Variants in GFPT2 observed in about 807,000 individuals in gnomAD.
GFPT2 encodes glutamine--fructose-6-phosphate transaminase 2, also known as glutamine--fructose-6-phosphate aminotransferase [isomerizing] 2.
GFPT2 carries 62 observed loss-of-function variants against 85.6 expected under a neutral mutation model. The observed-to-expected ratio is 0.72, with a 90% CI of 0.59 to 0.90. The LOEUF (loss-of-function observed/expected upper bound fraction) is 0.90. Ranked by LOEUF, GFPT2 falls within the 40% of genes least tolerant of loss-of-function variation. GFPT2 has a pLI of 0.00. For synonymous variants in GFPT2, 368 were observed against 344.5 expected (o/e 1.07, Z -0.75); for missense variants, 788 against 893.4 (o/e 0.88, Z 1.50).
chr5:180,352,339 GAAAAAAAAA>G, intron 1 of GFPT2: 2 of 344,710 alleles, frequency 5.8e-6, no homozygotes, highest in Non-Finnish European at 1.1e-5. Flanking sequence ...CCTACTCAAG[GAAAAAAAAA>G]AAAAAAAAAA....
chr5:180,323,871 A>C lies in GFPT2; in HGVS notation c.794+317T>G, dbSNP rs1764164817. On this transcript the variant is annotated intron_variant, in intron 9 of 18. Coordinates refer to ENST00000253778, the MANE Select transcript of GFPT2 (RefSeq NM_005110.4). The surrounding 1 kb of genome is among the most constrained non-coding windows in gnomAD (Gnocchi z 4.0). ...CTGCTAGTTCTTCCAGAGAAGCTAG[A>C]GATTTCAGATTTCTCTGTGAAATCT... Among the ~76,000 whole-genome samples, 1 of 152,238 alleles carries C rather than the reference A, an allele frequency of 6.6e-6. No homozygotes were observed.
intron 1 of GFPT2, among the ~76,000 whole-genome samples, chr5:180,342,004 C>A (rs140046916): frequency 6.6e-6 from 1 of 152,140 alleles, no homozygotes. Flanking sequence ...GTAAATGAAT[C>A]ATGGGGGCGG....
At chr5:180,333,810 C>T (rs551000813) in intron 4 of GFPT2, among the ~76,000 whole-genome samples, 13 of 152,192 alleles carry the variant, frequency 8.5e-5, no homozygotes, top group Non-Finnish European at 1.6e-4. Context: ...GCTGGAGTGT[C>T]CAAGTTTGGG....
chr5:180,332,966 T>A (rs1764332132), intron 4 of GFPT2, among the ~76,000 whole-genome samples: 1 of 152,234 alleles, frequency 6.6e-6, no homozygotes, highest in Non-Finnish European at 1.5e-5. Flanking sequence ...TCACCATGAT[T>A]TCCTCTATTT....
chr5:180,311,236 C>A (rs1370632989), intron 15 of GFPT2, among the ~76,000 whole-genome samples: 1 of 152,222 alleles, frequency 6.6e-6, no homozygotes, highest in Non-Finnish European at 1.5e-5. Flanking sequence ...CCATGCCAGC[C>A]TGGGGCGAGG....
Position 180,323,315 on chromosome 5 carries a change from G to A in GFPT2, c.794+873C>T, listed in dbSNP as rs10479468. On this transcript the variant is annotated intron_variant, in intron 9 of 18. Transcript: ENST00000253778. The surrounding 1 kb of genome is among the most constrained non-coding windows in gnomAD (Gnocchi z 4.0). ...TGATGCTGGCTGTGCGTTTAATCAGGCCTCGCCTCCCTGTCGCTCCCGTTT... is the reference window on the plus strand; with the variant it reads ...TGATGCTGGCTGTGCGTTTAATCAGACCTCGCCTCCCTGTCGCTCCCGTTT... Among the ~76,000 whole-genome samples the A allele has an allele frequency of 0.011, 1,636 of 152,228 alleles. 26 individuals are homozygous for A. Among genetic ancestry groups the A allele is most frequent in the African/African-American group, 0.037 (1,539 of 41,538 alleles).
chr5:180,333,683 G>A (rs779819933), intron 4 of GFPT2, among the ~76,000 whole-genome samples: 5 of 152,304 alleles, frequency 3.3e-5, no homozygotes, highest in Admixed American at 6.5e-5. Flanking sequence ...GTTGCTGGGC[G>A]TTCAGACTTC....
Position 180,301,554 on chromosome 5 carries a change from G to C in GFPT2, c.*10C>G, listed in dbSNP as rs568549305. ...TGAAAGGTGGTGATGGTCTTGTCAC[G>C]GTCTCAGCCTCATTCCACAGTTACA... is the stretch of plus-strand genomic sequence containing the variant. On this transcript the variant is annotated 3_prime_UTR_variant, in exon 19 of 19. Coordinates refer to ENST00000253778, the MANE Select transcript of GFPT2 (RefSeq NM_005110.4). 2.5e-6 allele frequency: 4 copies of C among 1,608,504 alleles called. No homozygotes were observed. The highest frequency in any genetic ancestry group is 3.4e-6 in the Non-Finnish European group (4 of 1,174,866).
intron 1 of GFPT2, 62 bp from the exon 2 acceptor site, chr5:180,338,662 G>T (rs182519984): frequency 9.1e-6 from 9 of 987,714 alleles, no homozygotes; most frequent in Non-Finnish European, 1.3e-5. Context: ...GGAAGAAAAC[G>T]CTTCTGGGGG....
chr5:180,315,500 A>T (rs1480833549), intron 13 of GFPT2, among the ~76,000 whole-genome samples: 2 of 151,740 alleles, frequency 1.3e-5, no homozygotes, highest in Non-Finnish European at 3.0e-5. Context: ...TTCTTTTGTC[A>T]TTTTAATCAT....
chr5:180,319,232 A>G (rs1397919277), intron 9 of GFPT2, among the ~76,000 whole-genome samples: 1 of 146,450 alleles, frequency 6.8e-6, no homozygotes, highest in South Asian at 2.1e-4. Flanking sequence ...TTAACCTACT[A>G]TAATACCATA....
In GFPT2 at chr5:180,316,848, G is replaced by A. The variant is rs370853144; in HGVS notation, c.1068C>T (p.Gly356=). 6.2e-7 allele frequency: 1 copy of A among 1,613,592 alleles called. No homozygotes were observed. The highest frequency in any genetic ancestry group is 8.5e-7 in the Non-Finnish European group (1 of 1,179,612). The change falls in exon 12 of 19, where the codon GGC becomes GGT. Residue 356 remains glycine, a synonymous_variant. Coordinates refer to ENST00000253778, the MANE Select transcript of GFPT2 (RefSeq NM_005110.4). ...NFETNTVLLG[G]LKDHLKEIRR... ...GAATCTCCTTCAAGTGGTCCTTCAA[G>A]CCACCCAGGAGCACTGCAGGGCACA... is the stretch of plus-strand genomic sequence containing the variant.
chr5:180,341,900 T>A (rs1240586935), intron 1 of GFPT2, among the ~76,000 whole-genome samples: 1 of 152,226 alleles, frequency 6.6e-6, no homozygotes, highest in East Asian at 1.9e-4. Flanking sequence ...ACCTTATTTT[T>A]TAAAAAGATA....
chr5:180,340,626 C>G (rs1033667083), intron 1 of GFPT2, among the ~76,000 whole-genome samples: 2 of 151,842 alleles, frequency 1.3e-5, no homozygotes, highest in Non-Finnish European at 2.9e-5. Context: ...ATTCTCCTGC[C>G]TCAGCCTCCC....
chr5:180,311,913 C>T (rs1214350615), intron 15 of GFPT2, among the ~76,000 whole-genome samples: 2 of 151,484 alleles, frequency 1.3e-5, no homozygotes, highest in Non-Finnish European at 2.9e-5. Context: ...AGAGCCAGTG[C>T]GAAGGCCCTG....
intron 1 of GFPT2, 123 bp downstream of exon 1, chr5:180,353,088 G>T: frequency 1.3e-6 from 1 of 792,660 alleles, no homozygotes; most frequent in Non-Finnish European, 1.7e-6. Flanking sequence ...TAGGGGCCCG[G>T]GGCAGATCGG....
intron 1 of GFPT2, among the ~76,000 whole-genome samples, chr5:180,351,909 C>T (rs1411222895): frequency 6.6e-6 from 1 of 152,188 alleles, no homozygotes; most frequent in African/African-American, 2.4e-5. Flanking sequence ...CCAAGGCCAC[C>T]AGTTTTGGCC....
intron 15 of GFPT2, among the ~76,000 whole-genome samples, chr5:180,311,822 G>A (rs1390679442): frequency 6.6e-6 from 1 of 152,186 alleles, no homozygotes; most frequent in Non-Finnish European, 1.5e-5. Context: ...GGTCTCAGGA[G>A]GTGACATTTG....
rs376011981 is a variant in GFPT2 at position 180,318,523 on chromosome 5, G to A, written c.958+270C>T. The stretch of plus-strand genomic sequence containing the variant: ...GGGTGGGCATGTGTCCCGCGGAGTC[G>A]GTGAAGGAAGGCAGCTGACACACTG... On this transcript the variant is annotated intron_variant, in intron 10 of 18. Coordinates refer to ENST00000253778, the MANE Select transcript of GFPT2 (RefSeq NM_005110.4). The surrounding 1 kb of genome is among the most constrained non-coding windows in gnomAD (Gnocchi z 4.2). 5 of 450,602 alleles carry A rather than the reference G, an allele frequency of 1.1e-5. No homozygotes were observed. Among genetic ancestry groups the A allele is most frequent in the African/African-American group, 3.9e-5 (2 of 50,734 alleles). The allele number at this position is 450,602 out of a possible 1,614,324, so 27.9% of individuals were successfully genotyped here.
Sources: allele counts gnomAD v4.1 joint callset (sites outside exome capture counted in the v4.1 genomes callset), GRCh38; gene constraint gnomAD v4.1.1; non-coding constraint Gnocchi (gnomAD v3.1); transcripts MANE v1.5; gene names NCBI Gene and HGNC (gene_info 2026-07-23, HGNC 2026-07-21).